MMADHC: variants seen among roughly 807,000 people sequenced by gnomAD.
MMADHC encodes the protein cobalamin trafficking protein CblD.
MMADHC carries 23 observed loss-of-function variants against 36.3 expected under a neutral mutation model. The observed-to-expected ratio is 0.63, with a 90% CI of 0.46 to 0.90. MMADHC has a LOEUF of 0.90. Ranked by LOEUF, MMADHC falls within the 40% of genes least tolerant of loss-of-function variation. MMADHC has a pLI of 0.00. For missense variants in MMADHC, 330 were observed against 348.0 expected (o/e 0.95, Z 0.41); for synonymous variants, 97 against 116.1 (o/e 0.84, Z 1.06).
chr2:149,585,335 C>T (rs1321675726), intron 2 of MMADHC, among the ~76,000 whole-genome samples: 3 of 152,096 alleles, frequency 2.0e-5, no homozygotes, highest in Non-Finnish European at 4.4e-5. Flanking sequence ...GAGAAAGTGC[C>T]TTTTGTGCAC....
chr2:149,583,053 A>G (rs1414054067), intron 2 of MMADHC, among the ~76,000 whole-genome samples: 1 of 152,206 alleles, frequency 6.6e-6, no homozygotes, highest in African/African-American at 2.4e-5. Context: ...ACAATGGCAG[A>G]GTTAAGTAGT....
intron 6 of MMADHC, 151 bp from the exon 7 acceptor site, chr2:149,571,322 C>T (rs1682635542): frequency 1.9e-6 from 1 of 525,022 alleles, no homozygotes; most frequent in Admixed American, 3.5e-5. Context: ...ACTGTAAAGG[C>T]GTAAGATTCT....
At chr2:149,574,022 C>A (rs2105044400) in intron 6 of MMADHC, among the ~76,000 whole-genome samples, 1 of 151,718 alleles carries the variant, frequency 6.6e-6, no homozygotes, top group East Asian at 1.9e-4. Context: ...ATGAAGAAAT[C>A]TTTAAAAAAA....
In MMADHC at chr2:149,587,691, C is replaced by G. The variant is rs1472093852; in HGVS notation, c.-80G>C. On this transcript the variant is annotated 5_prime_UTR_variant, in exon 1 of 8. Coordinates refer to ENST00000303319, the MANE Select transcript of MMADHC (RefSeq NM_015702.3). ...GTCACCACCACTGTCTCCAGCTGTC[C>G]CAGAACCGGACTCTTCCTGCCATCA... The G allele has an allele frequency of 2.6e-5, 4 of 153,414 alleles. No individual in the cohort carries two copies. Among genetic ancestry groups the G allele is most frequent in the Non-Finnish European group, 5.8e-5 (4 of 68,748 alleles). The allele number at this position is 153,414 out of a possible 1,614,324, so 9.5% of individuals were successfully genotyped here.
Position 149,569,925 on chromosome 2 carries a change from A to C in MMADHC, c.*49T>G. Reference sequence around the variant, plus strand: ...TTTAGTCTGACAGTGTTTATAGATCAACCCAAATATTACATACAAATAGTA... The same window carrying C: ...TTTAGTCTGACAGTGTTTATAGATCCACCCAAATATTACATACAAATAGTA... On this transcript the variant is annotated 3_prime_UTR_variant, in exon 8 of 8. Coordinates refer to ENST00000303319, the MANE Select transcript of MMADHC (RefSeq NM_015702.3). The C allele has an allele frequency of 1.3e-6, 2 of 1,544,834 alleles. No individual in the cohort carries two copies. The highest frequency in any genetic ancestry group is 1.8e-6 in the Non-Finnish European group (2 of 1,119,114).
chr2:149,579,460 C>A lies in MMADHC; in HGVS notation c.343G>T (p.Val115Leu). 1.2e-6 allele frequency: 2 copies of A among 1,612,252 alleles called. No homozygotes were observed. Among genetic ancestry groups the A allele is most frequent in the Non-Finnish European group, 1.7e-6 (2 of 1,179,944 alleles). The change falls in exon 4 of 8, where the codon GTG becomes TTG. Residue 115 changes from valine to leucine, a missense_variant. Val to Leu is a conservative substitution (Grantham distance 32). Transcript: ENST00000303319. Reference protein sequence around the residue: ...EPLSSERHEFVMAQYVNEFQG... With the variant: ...EPLSSERHEFLMAQYVNEFQG... ...AATTCATTCACATATTGTGCCATCA[C>A]AAACTCATGTCTTTCACTTGATAAA...
Position 149,571,180 on chromosome 2 carries a change from G to T in MMADHC, c.610-9C>A, listed in dbSNP as rs769894198. On this transcript the variant is annotated splice_polypyrimidine_tract_variant and intron_variant, in intron 6 of 7. Coordinates refer to ENST00000303319, the MANE Select transcript of MMADHC (RefSeq NM_015702.3). ...TTAGCACCATTGATGAACTGCAATG[G>T]AAGTCACAAATAATATGCTTAAGAT... 6.3e-7 allele frequency: 1 copy of T among 1,579,980 alleles called. No homozygotes were observed. Among genetic ancestry groups the T allele is most frequent in the Non-Finnish European group, 8.7e-7 (1 of 1,153,392 alleles).
intron 4 of MMADHC, 127 bp from the exon 5 acceptor site, chr2:149,576,669 G>A: frequency 1.5e-6 from 1 of 688,946 alleles, no homozygotes; most frequent in South Asian, 1.6e-5. Flanking sequence ...AATCTAACTG[G>A]GAGGTGAGGT....
At chr2:149,584,444 T>C (rs977591272) in intron 2 of MMADHC, among the ~76,000 whole-genome samples, 26 of 152,164 alleles carry the variant, frequency 1.7e-4, no homozygotes, top group Non-Finnish European at 2.4e-4. Flanking sequence ...CTGCGATCAT[T>C]CACATCGTTT....
intron 4 of MMADHC, among the ~76,000 whole-genome samples, chr2:149,578,401 G>GA (rs1314951111): frequency 1.3e-5 from 2 of 152,010 alleles, no homozygotes; most frequent in African/African-American, 4.8e-5. Context: ...GGTTTTTAAG[G>GA]AAAAAAAGAT....
At chr2:149,574,871 G>A (rs1214239476) in intron 6 of MMADHC, among the ~76,000 whole-genome samples, 1 of 152,148 alleles carries the variant, frequency 6.6e-6, no homozygotes, top group Non-Finnish European at 1.5e-5. Context: ...CACCATCAAG[G>A]CTCACTACAG....
chr2:149,574,770 A>G (rs1682689402), intron 6 of MMADHC, among the ~76,000 whole-genome samples: 1 of 152,210 alleles, frequency 6.6e-6, no homozygotes. Context: ...TATAATAGCA[A>G]AAGTTGGATT....
At chr2:149,581,376 G>C (rs528810507) in intron 3 of MMADHC, among the ~76,000 whole-genome samples, 3 of 152,252 alleles carry the variant, frequency 2.0e-5, no homozygotes, top group African/African-American at 7.2e-5. Flanking sequence ...AGGATGGAAG[G>C]CTCTGAATGC....
chr2:149,569,913 T>C lies in MMADHC; in HGVS notation c.*61A>G. The C allele has an allele frequency of 6.9e-7, 1 of 1,441,564 alleles. No individual in the cohort carries two copies. The allele number at this position is 1,441,564 out of a possible 1,614,324, so 89.3% of individuals were successfully genotyped here. On this transcript the variant is annotated 3_prime_UTR_variant, in exon 8 of 8. Coordinates refer to ENST00000303319, the MANE Select transcript of MMADHC (RefSeq NM_015702.3). ...TATTTTAAAAACTTTAGTCTGACAG[T>C]GTTTATAGATCAACCCAAATATTAC... is the stretch of plus-strand genomic sequence containing the variant.
chr2:149,578,719 G>C (rs1682751269), intron 4 of MMADHC, among the ~76,000 whole-genome samples: 1 of 152,044 alleles, frequency 6.6e-6, no homozygotes, highest in South Asian at 2.1e-4. Context: ...CTGTGTCTCA[G>C]TGTCATGTCA....
chr2:149,571,041 A>T, intron 7 of MMADHC, 44 bp downstream of exon 7: 16 of 1,370,340 alleles, frequency 1.2e-5, no homozygotes, highest in Non-Finnish European at 1.6e-5. Context: ...AATAAAAATC[A>T]TCTCTACTTC....
At chr2:149,579,231 T>C (rs143944914) in intron 4 of MMADHC, among the ~76,000 whole-genome samples, 200 bp downstream of exon 4, 1 of 152,084 alleles carries the variant, frequency 6.6e-6, no homozygotes, top group Non-Finnish European at 1.5e-5. Flanking sequence ...TATTATAATC[T>C]ACAGTAAAAA....
At chr2:149,581,631 T>G (rs1682795458) in intron 3 of MMADHC, among the ~76,000 whole-genome samples, 3 of 152,116 alleles carry the variant, frequency 2.0e-5, no homozygotes, top group African/African-American at 7.2e-5. Flanking sequence ...GAAGGTAGTC[T>G]GGGAACTACT....
At chr2:149,577,875 G>C (rs2105047055) in intron 4 of MMADHC, among the ~76,000 whole-genome samples, 1 of 151,810 alleles carries the variant, frequency 6.6e-6, no homozygotes, top group South Asian at 2.1e-4. Context: ...AAAATCAGCT[G>C]GGTGTGGTGG....
Sources: allele counts gnomAD v4.1 joint callset (sites outside exome capture counted in the v4.1 genomes callset), GRCh38; gene constraint gnomAD v4.1.1; transcripts MANE v1.5; gene names NCBI Gene and HGNC (gene_info 2026-07-23, HGNC 2026-07-21).